The following ELF4 variants were observed in gnomAD, a reference collection of about 807,000 sequenced individuals.
ELF4 encodes the protein ETS-related transcription factor Elf-4.
In ELF4, 10 loss-of-function variants were observed where a neutral mutation model predicts 31.7. That is an observed-to-expected ratio of 0.32 (90% confidence interval 0.19 to 0.54). ELF4 has a LOEUF of 0.54. Among genes scored for constraint, ELF4 ranks in the 20% least tolerant of loss-of-function variants. The pLI is 0.95. For synonymous variants in ELF4, 208 were observed against 226.7 expected (o/e 0.92, Z 0.74); for missense variants, 418 against 522.0 (o/e 0.80, Z 1.94).
intron 1 of ELF4, among the ~76,000 whole-genome samples, chrX:130,098,124 CAG>C (rs1933183903): frequency 8.9e-6 from 1 of 112,320 alleles, no homozygotes; most frequent in African/African-American, 3.2e-5. Flanking sequence ...CATGGGCAGG[CAG>C]GGGGTGTGGA....
chrX:130,093,433 A>C (rs1933093676), intron 1 of ELF4, among the ~76,000 whole-genome samples: 1 of 112,069 alleles, frequency 8.9e-6, no homozygotes. Flanking sequence ...ATGTAGCAGG[A>C]AACTCTCACA....
At position 130,084,718 on chromosome X, in the gene ELF4, C is replaced by A. The variant is rs149902426; in HGVS notation, c.-209-3179G>T. Among the ~76,000 whole-genome samples, 759 of 111,839 alleles carry A rather than the reference C, an allele frequency of 6.8e-3. 4 individuals carry two copies. The highest frequency in any genetic ancestry group is 9.9e-3 in the Non-Finnish European group (526 of 53,040). On this transcript the variant is annotated intron_variant, in intron 1 of 8. Coordinates refer to ENST00000308167, the MANE Select transcript of ELF4 (RefSeq NM_001421.4). ...CTGAGAAACCATCCGCCCTAACCGT[C>A]CAGTCCAGAAAGTTTCCCCCTCCCC...
At chrX:130,082,012 G>T (rs1482114416) in intron 1 of ELF4, among the ~76,000 whole-genome samples, 4 of 111,686 alleles carry the variant, frequency 3.6e-5, no homozygotes, top group Non-Finnish European at 7.5e-5. Context: ...ATCGTGTGAG[G>T]GGCTGAGTGG....
intron 1 of ELF4, among the ~76,000 whole-genome samples, chrX:130,085,649 T>C (rs1005412432): frequency 8.0e-5 from 9 of 111,966 alleles, no homozygotes; most frequent in Non-Finnish European, 1.7e-4. Context: ...CCAGGAAACA[T>C]GGAGGCCAGA....
At chrX:130,085,421 C>T (rs1932946781) in intron 1 of ELF4, among the ~76,000 whole-genome samples, 1 of 111,754 alleles carries the variant, frequency 8.9e-6, no homozygotes, top group African/African-American at 3.3e-5. Flanking sequence ...TGTCACAACT[C>T]GGCCCCCTTT....
intron 1 of ELF4, among the ~76,000 whole-genome samples, chrX:130,083,576 CTT>C (rs1428176584): frequency 3.6e-5 from 4 of 111,773 alleles, no homozygotes; most frequent in Non-Finnish European, 7.5e-5. Context: ...TTGCTCATCT[CTT>C]CTTTCCAGAT....
chrX:130,111,250 C>T (rs1933485117), upstream of ELF4, among the ~76,000 whole-genome samples: 1 of 111,894 alleles, frequency 8.9e-6, no homozygotes, highest in Admixed American at 9.3e-5. Context: ...AGCGAGACTC[C>T]GAGCTCTCTG....
At chrX:130,101,482 C>T (rs1933251429) in intron 1 of ELF4, among the ~76,000 whole-genome samples, 1 of 112,005 alleles carries the variant, frequency 8.9e-6, no homozygotes, top group Admixed American at 9.6e-5. Flanking sequence ...AAGGAACAAA[C>T]ATGATTATAA....
chrX:130,093,346 TG>T (rs1342407894), intron 1 of ELF4, among the ~76,000 whole-genome samples: 2 of 110,574 alleles, frequency 1.8e-5, no homozygotes, highest in African/African-American at 6.6e-5. Flanking sequence ...TGGATCCGTG[TG>T]GTTTAAACCC....
At chrX:130,093,979 C>T (rs1237985928) in intron 1 of ELF4, among the ~76,000 whole-genome samples, 1 of 112,175 alleles carries the variant, frequency 8.9e-6, no homozygotes, top group African/African-American at 3.2e-5. Flanking sequence ...CACCTGTAAT[C>T]CCAACACTTT....
intron 1 of ELF4, among the ~76,000 whole-genome samples, chrX:130,103,960 C>T (rs376053906): frequency 8.9e-6 from 1 of 112,230 alleles, no homozygotes; most frequent in East Asian, 2.8e-4. Context: ...AGTGCCCCAG[C>T]CTCAACTCAA....
chrX:130,107,668 T>C (rs763647807), intron 1 of ELF4, among the ~76,000 whole-genome samples: 1 of 112,345 alleles, frequency 8.9e-6, no homozygotes, highest in South Asian at 3.7e-4. Context: ...TGAGCAAGTG[T>C]TTGCTGAATT....
At chrX:130,095,579 TC>T (rs1280970737) in intron 1 of ELF4, among the ~76,000 whole-genome samples, 2 of 111,107 alleles carry the variant, frequency 1.8e-5, no homozygotes, top group African/African-American at 3.3e-5. Flanking sequence ...CAGGCTTGTG[TC>T]CCAAGCCCCT....
At chrX:130,105,853 C>CGT (rs1569411251) in intron 1 of ELF4, among the ~76,000 whole-genome samples, 13 of 71,868 alleles carry the variant, frequency 1.8e-4, no homozygotes, top group East Asian at 1.6e-3. Context: ...TCCCCAGGGG[C>CGT]CTGTGTGTGT....
At chrX:130,080,230 T>C (rs967891848) in intron 2 of ELF4, among the ~76,000 whole-genome samples, 12 of 110,469 alleles carry the variant, frequency 1.1e-4, no homozygotes, top group Non-Finnish European at 1.7e-4. Context: ...GAGACCAGCC[T>C]GGCCAACATG....
chrX:130,086,656 G>T (rs1426687111), intron 1 of ELF4, among the ~76,000 whole-genome samples: 2 of 112,359 alleles, frequency 1.8e-5, no homozygotes, highest in Non-Finnish European at 3.8e-5. Flanking sequence ...TGAGGGTTGT[G>T]AGTAATCCAG....
chrX:130,104,309 C>CAT (rs1569410940), intron 1 of ELF4, among the ~76,000 whole-genome samples: 3 of 109,692 alleles, frequency 2.7e-5, no homozygotes, highest in Non-Finnish European at 1.9e-5. Context: ...CACACACACA[C>CAT]ACACACACAC....
At chrX:130,082,023 G>C (rs1352433148) in intron 1 of ELF4, among the ~76,000 whole-genome samples, 1 of 111,605 alleles carries the variant, frequency 9.0e-6, no homozygotes, top group Non-Finnish European at 1.9e-5. Flanking sequence ...GGCTGAGTGG[G>C]GGCCTGTGGG....
At chrX:130,093,613 A>T (rs766372680) in intron 1 of ELF4, among the ~76,000 whole-genome samples, 6 of 112,160 alleles carry the variant, frequency 5.3e-5, no homozygotes, top group Non-Finnish European at 1.1e-4. Context: ...GAACAGCTGT[A>T]AGCAGCCTGA....
Sources: allele counts gnomAD v4.1 joint callset (sites outside exome capture counted in the v4.1 genomes callset), GRCh38; gene constraint gnomAD v4.1.1; transcripts MANE v1.5; gene names NCBI Gene and HGNC (gene_info 2026-07-23, HGNC 2026-07-21).